The following WDR25 variants were observed in gnomAD, a reference collection of about 807,000 sequenced individuals.
WDR25 encodes the protein WD repeat domain 25, also known as WD repeat-containing protein 25.
Under a neutral mutation model 47.7 loss-of-function variants are expected in WDR25, and 35 were observed. That is an observed-to-expected ratio of 0.73 (90% confidence interval 0.56 to 0.97). The LOEUF (loss-of-function observed/expected upper bound fraction) is 0.97, where lower values mean the gene tolerates loss of function less well. Among genes scored for constraint, WDR25 ranks in the 50% least tolerant of loss-of-function variants. WDR25 has a pLI of 0.00. For missense variants in WDR25, 634 were observed against 704.7 expected, an observed-to-expected ratio of 0.90 and a Z score of 1.14; for synonymous variants, 248 against 278.9, an observed-to-expected ratio of 0.89 and a Z score of 1.10.
rs35414565 is a variant in WDR25, at chr14:100,405,168, C to CTTTTTTTTTTTTTTT, written c.822+23432_822+23433insTTTTTTTTTTTTTTT. 1.7e-3 allele frequency among the ~76,000 whole-genome samples: 243 copies of CTTTTTTTTTTTTTTT among 146,224 alleles called. 5 individuals carry two copies. The highest frequency in any genetic ancestry group is 6.0e-3 in the African/African-American group (230 of 38,022). ...CCTAGGAATCCTCTCTCTGCCCCAT[C>CTTTTTTTTTTTTTTT]TTTTTTTTTTGAGATGGAGTTTTGC... On this transcript the variant is annotated intron_variant, in intron 2 of 6. Coordinates refer to ENST00000402312, the MANE Select transcript of WDR25 (RefSeq NM_001161476.3).
chr14:100,461,187 GC>G (rs1899401464), intron 2 of WDR25, among the ~76,000 whole-genome samples: 1 of 152,130 alleles, frequency 6.6e-6, no homozygotes, highest in African/African-American at 2.4e-5. Flanking sequence ...CTTCACTCCA[GC>G]CTGGGTAACA....
chr14:100,510,737 A>AAATAAT lies in WDR25; in HGVS notation c.1102-15111_1102-15106dup, dbSNP rs556858291. On this transcript the variant is annotated intron_variant, in intron 4 of 6. Coordinates refer to ENST00000402312, the MANE Select transcript of WDR25 (RefSeq NM_001161476.3). ...GGTGACAGAGCGAGACACCATCTCA[A>AAATAAT]AATAATAATAATAATAATAATAATA... 2.5e-3 allele frequency among the ~76,000 whole-genome samples: 367 copies of AAATAAT among 146,990 alleles called. 2 individuals carry two copies. Among genetic ancestry groups the AAATAAT allele is most frequent in the African/African-American group, 9.0e-3 (343 of 38,198 alleles).
chr14:100,414,928 A>T (rs1897828758), intron 2 of WDR25, among the ~76,000 whole-genome samples: 1 of 150,780 alleles, frequency 6.6e-6, no homozygotes, highest in African/African-American at 2.4e-5. Context: ...GAAGAAAAAA[A>T]GGTCCCTTTA....
chr14:100,381,023 C>A lies in WDR25; in HGVS notation c.99C>A (p.Thr33=). The change falls in exon 2 of 7, where the codon ACC becomes ACA. Residue 33 remains threonine (T), a synonymous_variant. Transcript: ENST00000402312. ...AGCATGCAGGAAGTTTTAATGCTAC[C>A]GGCCAGCAGAAAGACACTTCTGGTG... ...ETEHAGSFNA[T]GQQKDTSGVA... 6.2e-7 allele frequency: 1 copy of A among 1,614,204 alleles called. No homozygotes were observed. Among genetic ancestry groups the A allele is most frequent in the Non-Finnish European group, 8.5e-7 (1 of 1,180,052 alleles).
At chr14:100,382,875 C>T (rs1027860128) in intron 2 of WDR25, among the ~76,000 whole-genome samples, 1 of 152,200 alleles carries the variant, frequency 6.6e-6, no homozygotes, top group African/African-American at 2.4e-5. Context: ...AAAATCATAC[C>T]TGGGTCATGT....
intron 2 of WDR25, among the ~76,000 whole-genome samples, chr14:100,439,138 C>G (rs1257268831): frequency 4.6e-5 from 7 of 152,238 alleles, no homozygotes. Context: ...TCTGACCCTC[C>G]CTGCACCCAC....
In WDR25 at chr14:100,424,249, T is replaced by C. The variant is rs1263757664; in HGVS notation, c.822+42503T>C. 2.0e-5 allele frequency among the ~76,000 whole-genome samples: 3 copies of C among 152,234 alleles called. No individual in the cohort carries two copies. The highest frequency in any genetic ancestry group is 4.4e-5 in the Non-Finnish European group (3 of 68,038). ...TTCCAGGGAGCTGAGTTTCAGAGCC[T>C]GTGGCGTTTTCACACCATGTTCTAG... On this transcript the variant is annotated intron_variant, in intron 2 of 6. Coordinates refer to ENST00000402312, the MANE Select transcript of WDR25 (RefSeq NM_001161476.3). The surrounding 1 kb of genome is among the most constrained non-coding windows in gnomAD (Gnocchi z 4.2).
intron 2 of WDR25, among the ~76,000 whole-genome samples, chr14:100,422,061 C>T (rs1298307106): frequency 6.6e-6 from 1 of 152,232 alleles, no homozygotes; most frequent in African/African-American, 2.4e-5. Flanking sequence ...CACCTCTAAA[C>T]TTAGTAGCTT....
chr14:100,530,177 C>A lies in WDR25; in HGVS notation c.*136C>A. ...ACCTTCTGAGCCTCAGTTTCCTCAT[C>A]TGTAAAGTGGGGAGAAAAGTCTGTT... On this transcript the variant is annotated 3_prime_UTR_variant, in exon 7 of 7. Coordinates refer to ENST00000402312, the MANE Select transcript of WDR25 (RefSeq NM_001161476.3). The A allele has an allele frequency of 1.1e-6, 1 of 885,676 alleles. No homozygotes were observed. 54.9% of individuals were successfully genotyped at this position (885,676 alleles called of 1,614,324 possible). A position where few individuals can be genotyped will look rare whatever the true frequency, so the allele number is the denominator to read the frequency against.
At position 100,529,158 on chromosome 14, in the gene WDR25, A is replaced by C. The variant is rs149657665; in HGVS notation, c.1363A>C (p.Thr455Pro). 8.1e-6 allele frequency: 13 copies of C among 1,609,414 alleles called. No homozygotes were observed. Among genetic ancestry groups the C allele is most frequent in the Non-Finnish European group, 1.1e-5 (13 of 1,176,444 alleles). Residue 455 changes from threonine to proline, a missense_variant, in exon 6 of 7, where the codon ACT becomes CCT. Coordinates refer to ENST00000402312, the MANE Select transcript of WDR25 (RefSeq NM_001161476.3). The surrounding 1 kb of genome is among the most constrained non-coding windows in gnomAD (Gnocchi z 5.1). ...TGGCAACTACCTGGCCCTTTTCTCC[A>C]CTGTGTGGCCCTACCGGATGAGCAG... ...TNGNYLALFS[T>P]VWPYRMSRRR...
chr14:100,475,521 C>T (rs758879403), intron 3 of WDR25, among the ~76,000 whole-genome samples: 3 of 151,856 alleles, frequency 2.0e-5, no homozygotes, highest in Non-Finnish European at 4.4e-5. Flanking sequence ...GTGGGATAAG[C>T]GAAGGCACAG....
intron 3 of WDR25, among the ~76,000 whole-genome samples, chr14:100,476,118 C>A (rs879711152): frequency 7.9e-5 from 12 of 152,214 alleles, no homozygotes; most frequent in Admixed American, 3.3e-4. Flanking sequence ...ATTGCTAATT[C>A]TCACAACCAC....
intron 2 of WDR25, among the ~76,000 whole-genome samples, chr14:100,446,433 C>T (rs1898834213): frequency 6.6e-6 from 1 of 151,602 alleles, no homozygotes; most frequent in Non-Finnish European, 1.5e-5. Context: ...TGCCTGTAAT[C>T]CCAGCTACTT....
chr14:100,413,482 C>T lies in WDR25; in HGVS notation c.822+31736C>T, dbSNP rs553494890. Among the ~76,000 whole-genome samples the T allele has an allele frequency of 9.2e-5, 14 of 151,362 alleles. No homozygotes were observed. In the East Asian group the frequency reaches 2.2e-3, roughly 23 times the overall value. ...AGGCTGGAGTGCAGTGCCACGATCT[C>T]GGCTCACTGCGACCTCCGCCTCCCG... is the stretch of plus-strand genomic sequence containing the variant. On this transcript the variant is annotated intron_variant, in intron 2 of 6. Transcript: ENST00000402312.
chr14:100,378,388 C>T (rs1215883371), intron 1 of WDR25, among the ~76,000 whole-genome samples: 2 of 151,960 alleles, frequency 1.3e-5, no homozygotes, highest in South Asian at 2.1e-4. Context: ...AGGCTGGTCT[C>T]GAACTCGACC....
At chr14:100,432,713 A>G (rs979479712) in intron 2 of WDR25, among the ~76,000 whole-genome samples, 2 of 152,268 alleles carry the variant, frequency 1.3e-5, no homozygotes, top group Admixed American at 6.5e-5. Context: ...ATTCTCTTAT[A>G]TAGTCACAGT....
chr14:100,389,751 C>T (rs1044849736), intron 2 of WDR25, among the ~76,000 whole-genome samples: 2 of 152,216 alleles, frequency 1.3e-5, no homozygotes, highest in African/African-American at 2.4e-5. Flanking sequence ...CTTTAGAAAC[C>T]TACAACCAAA....
intron 4 of WDR25, among the ~76,000 whole-genome samples, chr14:100,501,333 T>A (rs1401191946): frequency 1.3e-5 from 2 of 152,188 alleles, no homozygotes; most frequent in African/African-American, 4.8e-5. Flanking sequence ...TGTCTTCAGA[T>A]GATGATCACA....
intron 2 of WDR25, among the ~76,000 whole-genome samples, chr14:100,391,608 A>G (rs554798066): frequency 3.9e-5 from 6 of 151,976 alleles, no homozygotes; most frequent in Admixed American, 6.6e-5. Context: ...CTCTCCACCC[A>G]GAGGCAATGA....
Sources: allele counts gnomAD v4.1 joint callset (sites outside exome capture counted in the v4.1 genomes callset), GRCh38; gene constraint gnomAD v4.1.1; non-coding constraint Gnocchi (gnomAD v3.1); transcripts MANE v1.5; gene names NCBI Gene and HGNC (gene_info 2026-07-23, HGNC 2026-07-21).